The following IKZF3 variants were observed in gnomAD, a reference collection of about 807,000 sequenced individuals.
IKZF3 encodes the protein IKAROS family zinc finger 3, also known as zinc finger protein Aiolos.
IKZF3 carries 10 observed loss-of-function variants against 49.0 expected under a neutral mutation model. The observed-to-expected ratio is 0.20, with a 90% CI of 0.13 to 0.35. IKZF3 has a LOEUF of 0.35. IKZF3 is among the 10% of genes least tolerant of loss of function. IKZF3 has a pLI of 1.00. For missense variants in IKZF3, 498 were observed against 664.8 expected (o/e 0.75, Z 2.76); for synonymous variants, 209 against 228.2 (o/e 0.92, Z 0.76).
At chr17:39,780,433 A>G (rs1284376047) in intron 6 of IKZF3, among the ~76,000 whole-genome samples, 1 of 152,092 alleles carries the variant, frequency 6.6e-6, no homozygotes, top group Non-Finnish European at 1.5e-5. Flanking sequence ...GCATGATCAC[A>G]GCTCACTGCA....
intron 6 of IKZF3, among the ~76,000 whole-genome samples, chr17:39,783,632 T>C (rs897388336): frequency 6.6e-6 from 1 of 152,150 alleles, no homozygotes; most frequent in African/African-American, 2.4e-5. Flanking sequence ...TATTGATTTT[T>C]AAAAAGAATA....
At chr17:39,856,762 C>T (rs1351881335) in intron 1 of IKZF3, among the ~76,000 whole-genome samples, 2 of 151,818 alleles carry the variant, frequency 1.3e-5, no homozygotes, top group Non-Finnish European at 2.9e-5. Context: ...GCCAAGATTG[C>T]ACCACTGCAC....
intron 3 of IKZF3, among the ~76,000 whole-genome samples, chr17:39,805,268 T>C (rs1166271744): frequency 6.6e-6 from 1 of 152,244 alleles, no homozygotes; most frequent in Non-Finnish European, 1.5e-5. Context: ...ACAACTATAC[T>C]ATTATTTGCT....
At chr17:39,782,522 G>A (rs2060770383) in intron 6 of IKZF3, among the ~76,000 whole-genome samples, 1 of 152,162 alleles carries the variant, frequency 6.6e-6, no homozygotes. Flanking sequence ...AGAAAAAAAA[G>A]AGGACTATTG....
chr17:39,806,335 C>A (rs2061431219), intron 3 of IKZF3, among the ~76,000 whole-genome samples: 1 of 152,206 alleles, frequency 6.6e-6, no homozygotes, highest in Non-Finnish European at 1.5e-5. Flanking sequence ...AAATATCCTG[C>A]AACTCAGTAA....
chr17:39,763,454 G>A lies in IKZF3; in HGVS notation c.*2336C>T, dbSNP rs1367885053. The A allele has an allele frequency of 6.6e-6, 1 of 151,926 alleles. No homozygotes were observed. Among genetic ancestry groups the A allele is most frequent in the Non-Finnish European group, 1.5e-5 (1 of 67,996 alleles). The allele number at this position is 151,926 out of a possible 1,614,324, so 9.4% of individuals were successfully genotyped here. On this transcript the variant is annotated 3_prime_UTR_variant, in exon 8 of 8. Transcript: ENST00000346872. ...AAATAGGCTCCATGAAGTTGTCCCT[G>A]GAAGCAGAATTTATTTTCCCTAACA...
chr17:39,861,625 C>T (rs751557401), intron 1 of IKZF3, among the ~76,000 whole-genome samples: 1 of 152,144 alleles, frequency 6.6e-6, no homozygotes, highest in Non-Finnish European at 1.5e-5. Context: ...CAGGCTTTAT[C>T]TCTGTTAATC....
At chr17:39,788,400 C>A (rs1227741492) in intron 5 of IKZF3, 26 bp from the exon 6 acceptor site, 1 of 1,434,230 alleles carries the variant, frequency 7.0e-7, no homozygotes, top group South Asian at 1.1e-5. Context: ...AAGGGGCACT[C>A]AGTGACCCTC....
At chr17:39,801,188 TC>T (rs1192099961) in intron 3 of IKZF3, among the ~76,000 whole-genome samples, 1 of 152,092 alleles carries the variant, frequency 6.6e-6, no homozygotes, top group African/African-American at 2.4e-5. Flanking sequence ...TTTACAAGGA[TC>T]GGGGGTCATA....
chr17:39,829,304 C>A, intron 3 of IKZF3, 83 bp downstream of exon 3: 1 of 908,152 alleles, frequency 1.1e-6, no homozygotes, highest in Non-Finnish European at 1.7e-6. Flanking sequence ...TGCAAGTTTT[C>A]CTTGGAGAGC....
intron 7 of IKZF3, among the ~76,000 whole-genome samples, chr17:39,769,530 C>T (rs1453462380): frequency 6.6e-6 from 1 of 152,146 alleles, no homozygotes; most frequent in Non-Finnish European, 1.5e-5. Flanking sequence ...TTTCAGTTTC[C>T]AGATTGGATA....
At chr17:39,850,938 T>TGTATATTATACAC (rs563170234) in intron 1 of IKZF3, among the ~76,000 whole-genome samples, 4,466 of 135,364 alleles carry the variant, frequency 0.033, 280 homozygotes, top group African/African-American at 0.12. Flanking sequence ...TATATATACG[T>TGTATATTATACAC]GTATATATTA....
chr17:39,788,220 C>G, intron 6 of IKZF3, 38 bp downstream of exon 6: 3 of 1,235,874 alleles, frequency 2.4e-6, no homozygotes, highest in Non-Finnish European at 3.6e-6. Flanking sequence ...CCACCTAGGA[C>G]AGCAGATGCT....
At chr17:39,797,675 G>A (rs1019353274) in intron 3 of IKZF3, among the ~76,000 whole-genome samples, 2 of 151,894 alleles carry the variant, frequency 1.3e-5, no homozygotes, top group African/African-American at 4.8e-5. Flanking sequence ...CACCTGTCTT[G>A]GCCTCCCAAA....
chr17:39,808,688 G>A (rs1004970676), intron 3 of IKZF3, among the ~76,000 whole-genome samples: 2 of 152,132 alleles, frequency 1.3e-5, no homozygotes, highest in African/African-American at 2.4e-5. Flanking sequence ...GAGTTCTCTC[G>A]TAAGACAAAA....
At position 39,839,158 on chromosome 17, in the gene IKZF3, T is replaced by C. The variant is rs553427885; in HGVS notation, c.8-7007A>G. Among the ~76,000 whole-genome samples, 127 of 152,216 alleles carry C rather than the reference T, an allele frequency of 8.3e-4. 1 individual carries two copies. The highest frequency in any genetic ancestry group is 5.1e-4 in the Non-Finnish European group (35 of 67,996). On this transcript the variant is annotated intron_variant, in intron 1 of 7. Transcript: ENST00000346872. ...TTTTGTTTTAATTTTTCTTCTTTTT[T>C]TTTTTCGTATTTTTTGAAATGAAAG... is the stretch of plus-strand genomic sequence containing the variant.
chr17:39,820,434 A>T (rs2061779345), intron 3 of IKZF3, among the ~76,000 whole-genome samples: 1 of 152,242 alleles, frequency 6.6e-6, no homozygotes, highest in South Asian at 2.1e-4. Context: ...ATGCTATTAG[A>T]GACTATCTTT....
intron 3 of IKZF3, among the ~76,000 whole-genome samples, chr17:39,812,867 G>C (rs1029467815): frequency 3.3e-5 from 5 of 152,204 alleles, no homozygotes; most frequent in African/African-American, 9.6e-5. Context: ...GGGAGGCCGA[G>C]GTGGGCAAAT....
intron 3 of IKZF3, among the ~76,000 whole-genome samples, chr17:39,803,243 T>G (rs1013290638): frequency 6.6e-6 from 1 of 152,196 alleles, no homozygotes; most frequent in Non-Finnish European, 1.5e-5. Flanking sequence ...TACAAGTATA[T>G]TGTTTCATTT....
Sources: allele counts gnomAD v4.1 joint callset (sites outside exome capture counted in the v4.1 genomes callset), GRCh38; gene constraint gnomAD v4.1.1; transcripts MANE v1.5; gene names NCBI Gene and HGNC (gene_info 2026-07-23, HGNC 2026-07-21).